The following PIK3C2G variants were observed in gnomAD, a reference collection of about 807,000 sequenced individuals.
The protein encoded by PIK3C2G is phosphatidylinositol-4-phosphate 3-kinase catalytic subunit type 2 gamma.
PIK3C2G carries 168 observed loss-of-function variants against 181.1 expected under a neutral mutation model. That is an observed-to-expected ratio of 0.93 (90% CI 0.82 to 1.05). The LOEUF (loss-of-function observed/expected upper bound fraction) is 1.05, where lower values mean the gene tolerates loss of function less well. Ranked by LOEUF, PIK3C2G falls within the 50% of genes least tolerant of loss-of-function variation. PIK3C2G has a pLI of 0.00. For synonymous variants in PIK3C2G, 573 were observed against 592.2 expected (o/e 0.97, Z 0.47); for missense variants, 1,869 against 1,732.8 (o/e 1.08, Z -1.40).
chr12:18,538,050 A>G (rs1359342127), intron 24 of PIK3C2G, 106 bp from the exon 25 acceptor site: 8 of 936,832 alleles, frequency 8.5e-6, no homozygotes, highest in African/African-American at 1.7e-5. Flanking sequence ...TACAGTAGAG[A>G]AAAAAAAAAG....
chr12:18,255,113 G>GC (rs1565524053), intron 1 of PIK3C2G, among the ~76,000 whole-genome samples: 30 of 151,634 alleles, frequency 2.0e-4, no homozygotes, highest in Admixed American at 7.9e-4. Context: ...CTACTTGGGA[G>GC]GCTGAGGCAG....
chr12:18,420,808 A>G, intron 16 of PIK3C2G, 133 bp from the exon 17 acceptor site: 3 of 564,476 alleles, frequency 5.3e-6, no homozygotes, highest in South Asian at 2.4e-5. Context: ...TGCTAATATT[A>G]CCTTAATCGA....
intron 31 of PIK3C2G, among the ~76,000 whole-genome samples, chr12:18,623,510 G>T (rs1948957177): frequency 6.6e-6 from 1 of 151,704 alleles, no homozygotes. Context: ...GATGGCCTTG[G>T]CAATTTGGAG....
At chr12:18,333,823 A>G (rs1181626575) in intron 8 of PIK3C2G, among the ~76,000 whole-genome samples, 2 of 152,176 alleles carry the variant, frequency 1.3e-5, no homozygotes. Flanking sequence ...TTTATATAAA[A>G]TCTGGAAGAT....
chr12:18,690,459 A>G, the PIK3C2G span, among the ~76,000 whole-genome samples: 1 of 152,116 alleles, frequency 6.6e-6, no homozygotes, highest in Non-Finnish European at 1.5e-5. Flanking sequence ...TCTTGACCTC[A>G]GGTAATCTGC....
chr12:18,325,225 G>A, intron 8 of PIK3C2G, 127 bp downstream of exon 8: 1 of 608,794 alleles, frequency 1.6e-6, no homozygotes. Flanking sequence ...CACTTGAAAG[G>A]CTTTCATTTC....
chr12:18,572,397 TTA>T (rs1261773669), intron 29 of PIK3C2G, among the ~76,000 whole-genome samples: 10 of 148,282 alleles, frequency 6.7e-5, no homozygotes, highest in Non-Finnish European at 1.3e-4. Context: ...TAATAAAGCT[TTA>T]TGTTATTAAA....
intron 30 of PIK3C2G, among the ~76,000 whole-genome samples, chr12:18,606,685 G>A (rs1948041709): frequency 6.6e-6 from 1 of 151,920 alleles, no homozygotes; most frequent in South Asian, 2.1e-4. Flanking sequence ...TAACTACACT[G>A]CTCAGGTATA....
the PIK3C2G span, among the ~76,000 whole-genome samples, chr12:18,656,962 C>G: frequency 6.6e-6 from 1 of 152,136 alleles, no homozygotes; most frequent in South Asian, 2.1e-4. Flanking sequence ...GCCCTAATGA[C>G]AGCAGCTCAC....
At chr12:18,454,443 G>A (rs913974734) in intron 18 of PIK3C2G, among the ~76,000 whole-genome samples, 1 of 152,102 alleles carries the variant, frequency 6.6e-6, no homozygotes, top group Non-Finnish European at 1.5e-5. Context: ...TGAGTTCAAA[G>A]GTATTAGAGT....
At position 18,381,851 on chromosome 12, in the gene PIK3C2G, G is replaced by A. The variant is rs757768161; in HGVS notation, c.1966G>A (p.Val656Ile). The A allele has an allele frequency of 3.1e-6, 5 of 1,612,996 alleles. No homozygotes were observed. Among genetic ancestry groups the A allele is most frequent in the South Asian group, 1.1e-5 (1 of 91,056 alleles). Residue 656 changes from valine (V) to isoleucine (I), a missense_variant, in exon 14 of 33, where the codon GTA (valine) becomes ATA (isoleucine). Val to Ile is a conservative substitution (Grantham distance 29). Coordinates refer to ENST00000538779, the MANE Select transcript of PIK3C2G (RefSeq NM_001288772.2). ...AATGATAACTCCAGGAGTGTGGGAT[G>A]TAAGTCAGCCATCCCCGGTGACCCT... ...VEMITPGVWD[V>I]SQPSPVTLQI...
At chr12:18,399,261 T>TAAAA (rs534592611) in intron 15 of PIK3C2G, among the ~76,000 whole-genome samples, 4 of 141,906 alleles carry the variant, frequency 2.8e-5, no homozygotes, top group Middle Eastern at 3.3e-3. Context: ...TTATAAAAAA[T>TAAAA]AAAAAAAATA....
intron 29 of PIK3C2G, among the ~76,000 whole-genome samples, chr12:18,569,942 T>C (rs1309361453): frequency 2.0e-5 from 3 of 152,322 alleles, no homozygotes; most frequent in South Asian, 4.1e-4. Flanking sequence ...TATTGATTCA[T>C]TTCTTGGTTG....
At chr12:18,325,706 C>CAAAAAAAAAAAAAAAA (rs34711642) in intron 8 of PIK3C2G, among the ~76,000 whole-genome samples, 2 of 61,614 alleles carry the variant, frequency 3.2e-5, no homozygotes, top group African/African-American at 1.1e-4. Context: ...GACTCAGTCT[C>CAAAAAAAAAAAAAAAA]AAAAAAAAAA....
chr12:18,457,971 C>T (rs1290132558), intron 18 of PIK3C2G, among the ~76,000 whole-genome samples: 1 of 151,826 alleles, frequency 6.6e-6, no homozygotes. Flanking sequence ...CTTTTATAAC[C>T]TTCTTTCTTT....
the PIK3C2G span, chr12:18,683,572 C>T: frequency 2.7e-6 from 4 of 1,469,860 alleles, no homozygotes; most frequent in Admixed American, 6.1e-5. Flanking sequence ...CTGCATGATC[C>T]AAAATTAGCC....
intron 5 of PIK3C2G, among the ~76,000 whole-genome samples, chr12:18,296,919 T>C (rs992249775): frequency 1.3e-5 from 2 of 152,090 alleles, no homozygotes. Flanking sequence ...AATCATCTGC[T>C]TCATTCAAAA....
chr12:18,259,726 A>G (rs1218725170), upstream of PIK3C2G, among the ~76,000 whole-genome samples: 1 of 147,452 alleles, frequency 6.8e-6, no homozygotes, highest in Non-Finnish European at 1.5e-5. Flanking sequence ...AACATAATAG[A>G]CAGGAAATCA....
At chr12:18,656,280 A>G in the PIK3C2G span, among the ~76,000 whole-genome samples, 2 of 152,132 alleles carry the variant, frequency 1.3e-5, no homozygotes, top group Non-Finnish European at 2.9e-5. Context: ...AAAGCATTAA[A>G]AAATATTAGC....
Sources: allele counts gnomAD v4.1 joint callset (sites outside exome capture counted in the v4.1 genomes callset), GRCh38; gene constraint gnomAD v4.1.1; transcripts MANE v1.5; gene names NCBI Gene and HGNC (gene_info 2026-07-23, HGNC 2026-07-21).